Variants in PDXDC1 observed in about 807,000 individuals in gnomAD.
PDXDC1 encodes pyridoxal-dependent decarboxylase domain-containing protein 1.
Under a neutral mutation model 100.1 loss-of-function variants are expected in PDXDC1, and 42 were observed. The observed-to-expected ratio is 0.42, with a 90% CI of 0.33 to 0.54. PDXDC1 has a LOEUF of 0.54. PDXDC1 is among the 20% of genes least tolerant of loss of function. PDXDC1 has a pLI of 0.10. For missense variants in PDXDC1, 636 were observed against 979.2 expected (o/e 0.65, Z 4.68); for synonymous variants, 260 against 371.7 (o/e 0.70, Z 3.46).
intron 16 of PDXDC1, chr16:15,133,709 G>A (rs539543910): frequency 1.2e-6 from 2 of 1,604,072 alleles, no homozygotes; most frequent in Non-Finnish European, 8.5e-7. Context: ...CCAGCCTGAG[G>A]GACGGTCCCC....
intron 13 of PDXDC1, chr16:15,025,128 C>A (rs1276629492): frequency 6.6e-6 from 1 of 152,350 alleles, no homozygotes; most frequent in Non-Finnish European, 1.5e-5. Flanking sequence ...TATATTTAAT[C>A]CAGTATTTCA....
chr16:14,979,871 C>G (rs1312005982), intron 1 of PDXDC1, among the ~76,000 whole-genome samples: 1 of 152,288 alleles, frequency 6.6e-6, no homozygotes, highest in Non-Finnish European at 1.5e-5. Flanking sequence ...GAGAAAAGAA[C>G]CCCTGTTAGG....
intron 16 of PDXDC1, chr16:15,132,579 C>T (rs2048158391): frequency 2.9e-6 from 2 of 686,728 alleles, no homozygotes; most frequent in South Asian, 1.7e-5. Context: ...TGAAGCAGGT[C>T]AGAGACCGAG....
At position 15,064,921 on chromosome 16, in the gene PDXDC1, C is replaced by G. The variant is rs188797452; in HGVS notation, c.1399+34865C>G. 8.7e-3 allele frequency among the ~76,000 whole-genome samples: 1,325 copies of G among 152,334 alleles called. 7 individuals carry two copies. The highest frequency in any genetic ancestry group is 0.037 in the Middle Eastern group (11 of 294). On this transcript the variant is annotated intron_variant, in intron 16 of 16. Coordinates refer to the PDXDC1 transcript ENST00000535621. ...GTGGCTCACGCCTGTAATCCCAGCA[C>G]TTTGGGAGGCCGAGGCGGGCGGATC...
chr16:15,030,237 A>G (rs2042956579), intron 16 of PDXDC1, among the ~76,000 whole-genome samples, 181 bp downstream of exon 16: 1 of 152,238 alleles, frequency 6.6e-6, no homozygotes, highest in African/African-American at 2.4e-5. Context: ...CAGAATCAGA[A>G]TGAGAATTCA....
At chr16:14,977,732 A>C (rs1396667276) in intron 1 of PDXDC1, among the ~76,000 whole-genome samples, 1 of 152,280 alleles carries the variant, frequency 6.6e-6, no homozygotes, top group African/African-American at 2.4e-5. Flanking sequence ...AAAGTGAAAC[A>C]TTTAATTGTG....
chr16:15,129,801 G>A lies in PDXDC1; in HGVS notation c.1400-9078G>A, dbSNP rs990193046. Reference sequence around the variant, plus strand: ...AAAACTGCCTTGTTCTGACGTCTGCGATGAGACTCACTCCCAGAGGGTGCA... The same window carrying A: ...AAAACTGCCTTGTTCTGACGTCTGCAATGAGACTCACTCCCAGAGGGTGCA... On this transcript the variant is annotated intron_variant, in intron 16 of 16. Coordinates refer to the PDXDC1 transcript ENST00000535621. The A allele has an allele frequency of 1.7e-4, 124 of 728,298 alleles. 1 individual carries two copies. Among genetic ancestry groups the A allele is most frequent in the Middle Eastern group, 3.6e-4 (1 of 2,762 alleles). The allele number at this position is 728,298 out of a possible 1,614,324, so 45.1% of individuals were successfully genotyped here.
chr16:14,979,010 G>C (rs1457301571), intron 1 of PDXDC1, among the ~76,000 whole-genome samples: 1 of 152,290 alleles, frequency 6.6e-6, no homozygotes, highest in Non-Finnish European at 1.5e-5. Flanking sequence ...CAAGATGGGG[G>C]CAGTTGTCCC....
At chr16:15,131,327 C>A (rs919588589) in intron 16 of PDXDC1, 22 of 1,566,692 alleles carry the variant, frequency 1.4e-5, no homozygotes, top group Non-Finnish European at 1.7e-5. Context: ...ATCGAGGCCA[C>A]CTTGGTGGAG....
At chr16:14,991,640 T>C (rs1394099624) in intron 1 of PDXDC1, among the ~76,000 whole-genome samples, 1 of 151,972 alleles carries the variant, frequency 6.6e-6, no homozygotes, top group Non-Finnish European at 1.5e-5. Flanking sequence ...TGCCTCAGCC[T>C]CCTGAGTAGC....
At chr16:15,073,803 G>A (rs1482561034) in intron 16 of PDXDC1, among the ~76,000 whole-genome samples, 4 of 151,580 alleles carry the variant, frequency 2.6e-5, no homozygotes, top group African/African-American at 9.7e-5. Flanking sequence ...TTTTTTTTTA[G>A]AGATGGGGTC....
At chr16:15,128,899 G>T (rs1196192666) in intron 16 of PDXDC1, among the ~76,000 whole-genome samples, 1 of 148,504 alleles carries the variant, frequency 6.7e-6, no homozygotes, top group Admixed American at 6.8e-5. Flanking sequence ...TCCGCCTCCC[G>T]GGTTCACGCC....
At chr16:15,044,464 G>T in intron 16 of PDXDC1, 1 of 1,115,974 alleles carries the variant, frequency 9.0e-7, no homozygotes, top group Non-Finnish European at 1.4e-6. Flanking sequence ...GCGTGCGCTG[G>T]TCTCACTTTG....
chr16:15,143,809 A>G (rs1411922295), downstream of PDXDC1, among the ~76,000 whole-genome samples: 2 of 152,210 alleles, frequency 1.3e-5, no homozygotes, highest in East Asian at 1.9e-4. Flanking sequence ...CTCAGAGCTG[A>G]GTGCCCCAGG....
chr16:15,038,164 T>C lies in PDXDC1; in HGVS notation c.*1889T>C, dbSNP rs1326702670. On this transcript the variant is annotated 3_prime_UTR_variant, in exon 23 of 23. Coordinates refer to ENST00000396410, the MANE Select transcript of PDXDC1 (RefSeq NM_015027.4). ...TAAAAACATCAAGGTAGATCTAATA[T>C]GTTCAACAAAGTGGGGTGGCTCAGC... The C allele has an allele frequency of 8.1e-6, 13 of 1,613,400 alleles. No individual in the cohort carries two copies. Among genetic ancestry groups the C allele is most frequent in the East Asian group, 2.2e-5 (1 of 44,886 alleles).
At chr16:15,144,003 C>G (rs1359711089), downstream of PDXDC1, among the ~76,000 whole-genome samples, 5 of 152,308 alleles carry the variant, frequency 3.3e-5, no homozygotes, top group Admixed American at 1.3e-4. Flanking sequence ...GGGCCACCTG[C>G]GGAGCTTATG....
chr16:15,026,737 A>C (rs781626242), intron 14 of PDXDC1, 31 bp downstream of exon 14: 1 of 1,598,946 alleles, frequency 6.3e-7, no homozygotes, highest in Admixed American at 1.7e-5. Flanking sequence ...GGTTATTTTC[A>C]TATCTGTGTT....
chr16:15,146,120 C>T, the PDXDC1 span, among the ~76,000 whole-genome samples: 172 of 152,280 alleles, frequency 1.1e-3, no homozygotes, highest in Non-Finnish European at 1.7e-3. Flanking sequence ...GCCACTGTCA[C>T]GAGATGGTGG....
intron 16 of PDXDC1, among the ~76,000 whole-genome samples, chr16:15,066,371 A>G (rs937525648): frequency 1.3e-5 from 2 of 152,118 alleles, no homozygotes; most frequent in African/African-American, 4.8e-5. Flanking sequence ...GGTGGCTCAC[A>G]CCTGTAATCC....
Sources: gnomAD v4.1 joint callset for allele counts (sites outside exome capture counted in the v4.1 genomes callset) on GRCh38, gnomAD v4.1.1 for gene constraint, MANE v1.5 for transcripts, NCBI Gene and HGNC (gene_info 2026-07-23, HGNC 2026-07-21) for gene names.